The following RAB6B variants were observed in gnomAD, a reference collection of about 807,000 sequenced individuals.
RAB6B encodes the protein RAB6B, member RAS oncogene family.
A neutral mutation model predicts 31.2 loss-of-function variants in RAB6B; 7 were observed. That is an observed-to-expected ratio of 0.22 (90% CI 0.13 to 0.42). RAB6B has a LOEUF of 0.42. RAB6B is among the 10% of genes least tolerant of loss of function. RAB6B has a pLI of 1.00. For synonymous variants in RAB6B, 105 were observed against 104.9 expected, an observed-to-expected ratio of 1.00 and a Z score of -0.01; for missense variants, 149 against 280.6, an observed-to-expected ratio of 0.53 and a Z score of 3.35.
intron 1 of RAB6B, among the ~76,000 whole-genome samples, chr3:133,869,472 G>A (rs1455544795): frequency 2.0e-5 from 3 of 152,254 alleles, no homozygotes; most frequent in Admixed American, 6.5e-5. Context: ...ATGGATTCTC[G>A]CCCAAGGGCA....
intron 4 of RAB6B, 121 bp downstream of exon 4, chr3:133,841,164 A>G (rs1935823146): frequency 1.4e-5 from 9 of 646,822 alleles, no homozygotes; most frequent in Non-Finnish European, 2.3e-5. Flanking sequence ...GAGCAATCGC[A>G]CACACATGCG....
At chr3:133,868,128 G>A (rs931371163) in intron 1 of RAB6B, among the ~76,000 whole-genome samples, 6 of 152,156 alleles carry the variant, frequency 3.9e-5, no homozygotes, top group African/African-American at 1.2e-4. Context: ...AAGGAGCTAG[G>A]TGGGTAAGGG....
chr3:133,886,944 C>T (rs1440284681), intron 1 of RAB6B, among the ~76,000 whole-genome samples: 1 of 151,316 alleles, frequency 6.6e-6, no homozygotes. Context: ...TGCCATTGCA[C>T]ACCAACACCA....
Position 133,828,054 on chromosome 3 carries a change from C to T in RAB6B, c.*734G>A, listed in dbSNP as rs1935599678. 2.9e-6 allele frequency: 2 copies of T among 696,698 alleles called. No homozygotes were observed. The highest frequency in any genetic ancestry group is 5.2e-6 in the Non-Finnish European group (2 of 381,332). 43.2% of individuals were successfully genotyped at this position (696,698 alleles called of 1,614,324 possible). The stretch of plus-strand genomic sequence containing the variant: ...ACAGAGAACACAAGGTTGCCTGTAC[C>T]CTCAACCCCCTTCAAGGCTTTTCAG... On this transcript the variant is annotated 3_prime_UTR_variant, in exon 8 of 8. Coordinates refer to ENST00000285208, the MANE Select transcript of RAB6B (RefSeq NM_016577.4).
intron 2 of RAB6B, among the ~76,000 whole-genome samples, chr3:133,852,991 C>T (rs1936008573): frequency 6.6e-6 from 1 of 152,214 alleles, no homozygotes; most frequent in African/African-American, 2.4e-5. Context: ...ATCTCCCCTA[C>T]CCTCTTTTCC....
chr3:133,866,939 A>G (rs1164583336), intron 1 of RAB6B, among the ~76,000 whole-genome samples: 1 of 152,264 alleles, frequency 6.6e-6, no homozygotes, highest in Non-Finnish European at 1.5e-5. Context: ...ATCAGGGATC[A>G]GGGTGGGGAG....
chr3:133,839,779 C>T (rs536020749), intron 4 of RAB6B, among the ~76,000 whole-genome samples, 162 bp from the exon 5 acceptor site: 10 of 152,280 alleles, frequency 6.6e-5, no homozygotes, highest in African/African-American at 2.4e-4. Context: ...TGGGTAGGGC[C>T]TTTCAGAGGG....
intron 6 of RAB6B, among the ~76,000 whole-genome samples, chr3:133,834,876 T>C (rs1935710685): frequency 6.6e-6 from 1 of 152,192 alleles, no homozygotes; most frequent in African/African-American, 2.4e-5. Flanking sequence ...AACAAAGCTG[T>C]GGCCTCTCAC....
Position 133,855,907 on chromosome 3 carries a change from T to C in RAB6B, c.129+8677A>G, listed in dbSNP as rs920989540. Among the ~76,000 whole-genome samples the C allele has an allele frequency of 2.6e-5, 4 of 152,244 alleles. No homozygotes were observed. The South Asian group carries it at 6.2e-4, about 24-fold the overall frequency. ...CCTCTCTAGAGGCTAACGGTAATGG[T>C]GTGACTCAATTCTGGCCAATAAGAC... On this transcript the variant is annotated intron_variant, in intron 2 of 7. Coordinates refer to ENST00000285208, the MANE Select transcript of RAB6B (RefSeq NM_016577.4).
intron 2 of RAB6B, among the ~76,000 whole-genome samples, chr3:133,853,506 A>G (rs559641266): frequency 6.6e-5 from 10 of 151,752 alleles, no homozygotes; most frequent in African/African-American, 2.2e-4. Flanking sequence ...GCTCCCCAGG[A>G]CAGACCATAG....
chr3:133,859,486 C>T (rs2108000799), intron 2 of RAB6B, among the ~76,000 whole-genome samples: 1 of 152,276 alleles, frequency 6.6e-6, no homozygotes, highest in South Asian at 2.1e-4. Context: ...GGGGAACCTT[C>T]TGGCTTGATC....
At chr3:133,879,866 TTCTCA>T (rs1936442801) in intron 1 of RAB6B, among the ~76,000 whole-genome samples, 1 of 152,222 alleles carries the variant, frequency 6.6e-6, no homozygotes, top group Admixed American at 6.5e-5. Context: ...AGCCACCCTA[TTCTCA>T]TAGCTCAGAG....
intron 2 of RAB6B, among the ~76,000 whole-genome samples, chr3:133,853,654 T>C (rs2107997718): frequency 6.6e-6 from 1 of 152,156 alleles, no homozygotes; most frequent in South Asian, 2.1e-4. Flanking sequence ...TCTGTCAGTG[T>C]TGGCAAGGTC....
Position 133,864,741 on chromosome 3 carries a change from A to G in RAB6B, c.71-99T>C. ...AGAAAAGATAACAAAACCAAAAAGC[A>G]CAGGGGAAAGGCCGAGTTGCAGAAA... On this transcript the variant is annotated intron_variant, in intron 1 of 7. Coordinates refer to ENST00000285208, the MANE Select transcript of RAB6B (RefSeq NM_016577.4). The G allele has an allele frequency of 4.9e-6, 6 of 1,225,606 alleles. No homozygotes were observed. The South Asian group carries it at 7.3e-5, about 15-fold the overall frequency. The allele number at this position is 1,225,606 out of a possible 1,614,324, so 75.9% of individuals were successfully genotyped here. A position where few individuals can be genotyped will look rare whatever the true frequency, so the allele number is the denominator to read the frequency against.
At chr3:133,889,527 C>T (rs867505390) in intron 1 of RAB6B, among the ~76,000 whole-genome samples, 2 of 150,228 alleles carry the variant, frequency 1.3e-5, no homozygotes, top group African/African-American at 4.9e-5. Flanking sequence ...CTCCGCCTCC[C>T]GGGTTCAAGC....
chr3:133,856,209 T>C lies in RAB6B; in HGVS notation c.129+8375A>G, dbSNP rs983869322. Among the ~76,000 whole-genome samples the C allele has an allele frequency of 2.0e-5, 3 of 152,140 alleles. No homozygotes were observed. The South Asian group carries it at 6.2e-4, about 32-fold the overall frequency. ...CTTTCTGTACTAGGAGGGGACTACATTTCTAATTTGCATGTGCTGACAAAG... is the reference window on the plus strand; with the variant it reads ...CTTTCTGTACTAGGAGGGGACTACACTTCTAATTTGCATGTGCTGACAAAG... On this transcript the variant is annotated intron_variant, in intron 2 of 7. Transcript: ENST00000285208.
intron 2 of RAB6B, among the ~76,000 whole-genome samples, chr3:133,850,744 A>G (rs989151233): frequency 6.6e-5 from 10 of 152,180 alleles, no homozygotes; most frequent in Admixed American, 5.2e-4. Flanking sequence ...TAAAGAAATA[A>G]TGGTGAAAAG....
At chr3:133,885,855 A>G (rs1936537552) in intron 1 of RAB6B, among the ~76,000 whole-genome samples, 1 of 152,206 alleles carries the variant, frequency 6.6e-6, no homozygotes, top group African/African-American at 2.4e-5. Context: ...ACTGGAAGGA[A>G]GCTTAAGTTT....
rs970140894 is a variant in RAB6B at position 133,839,927 on chromosome 3, G to T, written c.290-310C>A. ...ATAGTGGCTTTAGGGGCCCACCTGA[G>T]AGACCTGACTCTGGGGATTCAGAGT... On this transcript the variant is annotated intron_variant, in intron 4 of 7. Coordinates refer to ENST00000285208, the MANE Select transcript of RAB6B (RefSeq NM_016577.4). Among the ~76,000 whole-genome samples the T allele has an allele frequency of 4.6e-5, 7 of 152,184 alleles. No homozygotes were observed. In the South Asian group the frequency reaches 1.2e-3, roughly 27 times the overall value.
Sources: allele counts gnomAD v4.1 joint callset (sites outside exome capture counted in the v4.1 genomes callset), GRCh38; gene constraint gnomAD v4.1.1; transcripts MANE v1.5; gene names NCBI Gene and HGNC (gene_info 2026-07-23, HGNC 2026-07-21).